Variants in PDE2A observed in about 807,000 individuals in gnomAD.
PDE2A encodes cGMP-dependent 3',5'-cyclic phosphodiesterase.
A neutral mutation model predicts 133.6 loss-of-function variants in PDE2A; 53 were observed. That is an observed-to-expected ratio of 0.40 (90% CI 0.32 to 0.50). The LOEUF (loss-of-function observed/expected upper bound fraction) is 0.50. Among genes scored for constraint, PDE2A ranks in the 20% least tolerant of loss-of-function variants. PDE2A has a pLI of 0.73. For synonymous variants in PDE2A, 491 were observed against 490.2 expected, an observed-to-expected ratio of 1.00 and a Z score of -0.02; for missense variants, 796 against 1,232.4, an observed-to-expected ratio of 0.65 and a Z score of 5.30.
In PDE2A at chr11:72,577,979, A is replaced by T. The variant is rs557147565; in HGVS notation, c.2615+254T>A. On this transcript the variant is annotated intron_variant, in intron 30 of 30. Coordinates refer to ENST00000334456, the MANE Select transcript of PDE2A (RefSeq NM_002599.5). ...AGAGTGAGACTCCATCTCAAAAAAAACAAGAACTTCCACAAGAATGTGAGA... is the reference window on the plus strand; with the variant it reads ...AGAGTGAGACTCCATCTCAAAAAAATCAAGAACTTCCACAAGAATGTGAGA... 1.3e-3 allele frequency among the ~76,000 whole-genome samples: 204 copies of T among 152,338 alleles called. 1 individual carries two copies. Among genetic ancestry groups the T allele is most frequent in the African/African-American group, 4.8e-3 (199 of 41,572 alleles).
chr11:72,584,887 G>GC lies in PDE2A; in HGVS notation c.1343dup (p.Val449ArgfsTer4). On this transcript the variant is annotated frameshift_variant, in exon 17 of 31. Coordinates refer to ENST00000334456, the MANE Select transcript of PDE2A (RefSeq NM_002599.5). LOFTEE classifies it high-confidence loss of function. ...ACCCTCTCACCTCATCATCCACCAC[G>GC]CCCCCGTCGAACACCTTGGCCACCA... The GC allele has an allele frequency of 6.2e-7, 1 of 1,613,924 alleles. No homozygotes were observed. The highest frequency in any genetic ancestry group is 8.5e-7 in the Non-Finnish European group (1 of 1,179,864).
intron 1 of PDE2A, chr11:72,649,328 C>T (rs945754320): frequency 2.0e-5 from 3 of 152,294 alleles, no homozygotes; most frequent in African/African-American, 7.2e-5. Context: ...ATGGAACTGC[C>T]TCCCAGCCAG....
rs77090512 is a variant in PDE2A, at chr11:72,586,067, C to G, written c.1182+3G>C. Reference sequence around the variant, plus strand: ...CGAGAGAGGCTGAAGGCAGGTCACTCACCTGGCACTCACACTTGAGTTTCT... The same window carrying G: ...CGAGAGAGGCTGAAGGCAGGTCACTGACCTGGCACTCACACTTGAGTTTCT... On this transcript the variant is annotated splice_donor_region_variant and intron_variant, in intron 14 of 30. Coordinates refer to ENST00000334456, the MANE Select transcript of PDE2A (RefSeq NM_002599.5). 1 of 1,571,974 alleles carries G rather than the reference C, an allele frequency of 6.4e-7. No homozygotes were observed. The highest frequency in any genetic ancestry group is 8.7e-7 in the Non-Finnish European group (1 of 1,145,592).
chr11:72,576,200 C>G lies in PDE2A; in HGVS notation c.*1184G>C, dbSNP rs906969059. The G allele has an allele frequency of 1.3e-5, 2 of 152,454 alleles. No homozygotes were observed. Among genetic ancestry groups the G allele is most frequent in the Admixed American group, 6.5e-5 (1 of 15,284 alleles). The allele number at this position is 152,454 out of a possible 1,614,324, so 9.4% of individuals were successfully genotyped here. A position where few individuals can be genotyped will look rare whatever the true frequency, so the allele number is the denominator to read the frequency against. ...AGCGGTCAGCCCACGGGACCATATA[C>G]GACAGTTGCACAGAGTCCTAGAAAA... On this transcript the variant is annotated 3_prime_UTR_variant, in exon 31 of 31. Coordinates refer to ENST00000334456, the MANE Select transcript of PDE2A (RefSeq NM_002599.5).
At chr11:72,618,301 C>A (rs1266288288) in intron 2 of PDE2A, among the ~76,000 whole-genome samples, 3 of 152,382 alleles carry the variant, frequency 2.0e-5, no homozygotes, top group African/African-American at 2.4e-5. Flanking sequence ...CCACTCCCAG[C>A]CTTTGCTCCT....
chr11:72,667,398 C>T (rs115537178), intron 1 of PDE2A, among the ~76,000 whole-genome samples: 70 of 152,324 alleles, frequency 4.6e-4, no homozygotes, highest in African/African-American at 1.6e-3. Flanking sequence ...AAAATTTCCT[C>T]TGGCTTAACT....
intron 4 of PDE2A, among the ~76,000 whole-genome samples, chr11:72,600,827 A>G (rs1221482860): frequency 6.6e-6 from 1 of 152,058 alleles, no homozygotes; most frequent in Non-Finnish European, 1.5e-5. Flanking sequence ...GGCCTGCCCC[A>G]CTGAAGATAA....
intron 16 of PDE2A, 128 bp from the exon 17 acceptor site, chr11:72,585,072 C>T: frequency 1.1e-6 from 1 of 888,158 alleles, no homozygotes; most frequent in Non-Finnish European, 1.8e-6. Context: ...ACACTCTGCT[C>T]AGGGCTGGCT....
Position 72,590,691 on chromosome 11 carries a change from A to T in PDE2A, c.550-111T>A, listed in dbSNP as rs1856205988. On this transcript the variant is annotated intron_variant, in intron 7 of 30. Transcript: ENST00000334456. This position sits in a 1 kb window ranked among gnomAD's most constrained non-coding sequence, Gnocchi z 4.8. The stretch of plus-strand genomic sequence containing the variant: ...TTCCCTCTGCCTGCCGGGCCCAGGG[A>T]CCCCGCCGCCGTCCCAAACACCTCA... The T allele has an allele frequency of 9.7e-7, 1 of 1,027,464 alleles. No homozygotes were observed. Among genetic ancestry groups the T allele is most frequent in the African/African-American group, 1.7e-5 (1 of 58,718 alleles). 63.6% of individuals were successfully genotyped at this position (1,027,464 alleles called of 1,614,324 possible).
chr11:72,585,059 A>C (rs1292522291), intron 16 of PDE2A, 115 bp from the exon 17 acceptor site: 1 of 994,804 alleles, frequency 1.0e-6, no homozygotes, highest in African/African-American at 1.6e-5. Flanking sequence ...GCTCCAAGGT[A>C]AGACACTCTG....
chr11:72,656,139 G>T (rs924678036), intron 1 of PDE2A, among the ~76,000 whole-genome samples: 2 of 152,176 alleles, frequency 1.3e-5, no homozygotes, highest in Non-Finnish European at 2.9e-5. Flanking sequence ...AGTGGGGTGC[G>T]AGAGGCGAGG....
intron 23 of PDE2A, 32 bp from the exon 24 acceptor site, chr11:72,581,005 A>C: frequency 6.9e-7 from 1 of 1,454,276 alleles, no homozygotes; most frequent in Non-Finnish European, 9.7e-7. Flanking sequence ...GAAAAAAAAG[A>C]GGTCAGCCCA....
intron 4 of PDE2A, among the ~76,000 whole-genome samples, chr11:72,604,159 C>A (rs1485498771): frequency 2.6e-5 from 4 of 152,248 alleles, no homozygotes; most frequent in Non-Finnish European, 5.9e-5. Context: ...AATGGCCCTG[C>A]ATTCAGTGCT....
intron 1 of PDE2A, among the ~76,000 whole-genome samples, chr11:72,663,613 C>A (rs1454655462): frequency 6.6e-6 from 1 of 151,938 alleles, no homozygotes; most frequent in African/African-American, 2.4e-5. Context: ...CCTGTGATCC[C>A]AGCTACTTGG....
At chr11:72,667,154 T>C (rs1041011220) in intron 1 of PDE2A, among the ~76,000 whole-genome samples, 19 of 152,164 alleles carry the variant, frequency 1.2e-4, no homozygotes, top group African/African-American at 4.6e-4. Flanking sequence ...CATGTGAGTA[T>C]GTTCACACTT....
Position 72,590,584 on chromosome 11 carries a change from G to T in PDE2A, c.550-4C>A. 7.3e-7 allele frequency: 1 copy of T among 1,368,364 alleles called. No individual in the cohort carries two copies. The highest frequency in any genetic ancestry group is 9.4e-7 in the Non-Finnish European group (1 of 1,066,526). 84.8% of individuals were successfully genotyped at this position (1,368,364 alleles called of 1,614,324 possible). A position where few individuals can be genotyped will look rare whatever the true frequency, so the allele number is the denominator to read the frequency against. On this transcript the variant is annotated splice_polypyrimidine_tract_variant and splice_region_variant and intron_variant, in intron 7 of 30. Coordinates refer to ENST00000334456, the MANE Select transcript of PDE2A (RefSeq NM_002599.5). This position sits in a 1 kb window ranked among gnomAD's most constrained non-coding sequence, Gnocchi z 4.8. ...CCCTCCGCAGGGCGACCAGGGTCTG[G>T]GGCAGGCCGAGCGGTTAGCGCGCCG...
chr11:72,641,231 T>C (rs980862277), intron 2 of PDE2A, among the ~76,000 whole-genome samples: 2 of 151,802 alleles, frequency 1.3e-5, no homozygotes, highest in Non-Finnish European at 2.9e-5. Flanking sequence ...CACCACATCA[T>C]CCCCCCACCA....
chr11:72,590,168 G>T lies in PDE2A; in HGVS notation c.756+24C>A. 6.5e-7 allele frequency: 1 copy of T among 1,540,858 alleles called. No homozygotes were observed. The highest frequency in any genetic ancestry group is 8.8e-7 in the Non-Finnish European group (1 of 1,138,410). ...CGGAGGGAGACAGGACGGGGAGGTGGCCGGCAGGGGCGCAGGGACTCACGT... is the reference window on the plus strand; with the variant it reads ...CGGAGGGAGACAGGACGGGGAGGTGTCCGGCAGGGGCGCAGGGACTCACGT... On this transcript the variant is annotated intron_variant, in intron 9 of 30. Coordinates refer to ENST00000334456, the MANE Select transcript of PDE2A (RefSeq NM_002599.5). This position sits in a 1 kb window ranked among gnomAD's most constrained non-coding sequence, Gnocchi z 4.8.
At chr11:72,586,258 T>TGGAA in intron 13 of PDE2A, 77 bp from the exon 14 acceptor site, 4 of 887,076 alleles carry the variant, frequency 4.5e-6, no homozygotes, top group Non-Finnish European at 3.7e-6. Flanking sequence ...TTCTGTTCCA[T>TGGAA]CAGAAGCCCA....
Sources: gnomAD v4.1 joint callset for allele counts (sites outside exome capture counted in the v4.1 genomes callset) on GRCh38, gnomAD v4.1.1 for gene constraint, Gnocchi (gnomAD v3.1) non-coding constraint, MANE v1.5 for transcripts, NCBI Gene and HGNC (gene_info 2026-07-23, HGNC 2026-07-21) for gene names.